The following CEP170 variants were observed in gnomAD, a reference collection of about 807,000 sequenced individuals.
CEP170 encodes centrosomal protein 170, also known as centrosomal protein of 170 kDa.
A neutral mutation model predicts 151.9 loss-of-function variants in CEP170; 21 were observed. The ratio of observed to expected loss-of-function variants is 0.14; its 90% CI spans 0.10 to 0.20. The LOEUF is 0.20. Among genes scored for constraint, CEP170 ranks in the 10% least tolerant of loss-of-function variants. The pLI is 1.00. For synonymous variants in CEP170, 356 were observed against 648.8 expected (o/e 0.55, Z 6.86); for missense variants, 964 against 1,892.9 (o/e 0.51, Z 9.11).
At chr1:243,171,472 ATTT>A (rs1380442886) in intron 11 of CEP170, among the ~76,000 whole-genome samples, 1 of 151,798 alleles carries the variant, frequency 6.6e-6, no homozygotes, top group Non-Finnish European at 1.5e-5. Flanking sequence ...CTTCTTTTAT[ATTT>A]TTTCTTCTTT....
chr1:243,129,729 T>C (rs2054157110), intron 17 of CEP170, among the ~76,000 whole-genome samples: 1 of 152,144 alleles, frequency 6.6e-6, no homozygotes, highest in Non-Finnish European at 1.5e-5. Context: ...AATGATGTTA[T>C]GACCTCAAAA....
In CEP170 at chr1:243,165,800, A is replaced by G. The variant is rs748196714; in HGVS notation, c.2160T>C (p.Leu720=). 86 of 1,613,892 alleles carry G rather than the reference A, an allele frequency of 5.3e-5. 1 individual carries two copies. Among genetic ancestry groups the G allele is most frequent in the South Asian group, 2.2e-4 (20 of 91,086 alleles). Residue 720 remains leucine, a synonymous_variant, in exon 13 of 20, where the codon CTT becomes CTC. Coordinates refer to ENST00000366542, the MANE Select transcript of CEP170 (RefSeq NM_014812.3). ...LKTGGDNKTL[L]HLGSSAPGKE... is the part of the protein sequence containing the mutation. ...TTCCAGGAGCAGAGCTGCCTAAGTG[A>G]AGTAGGGTTTTATTATCTCCACCAG...
chr1:243,188,342 C>T (rs1466018062), intron 8 of CEP170, among the ~76,000 whole-genome samples: 2 of 152,084 alleles, frequency 1.3e-5, no homozygotes, highest in African/African-American at 4.8e-5. Flanking sequence ...TGGTGTCAGG[C>T]CCTTTCAAAT....
intron 1 of CEP170, among the ~76,000 whole-genome samples, chr1:243,230,688 C>T (rs930580689): frequency 6.6e-6 from 1 of 152,018 alleles, no homozygotes; most frequent in African/African-American, 2.4e-5. Flanking sequence ...AAGATAAGAA[C>T]AGTGAGGCTG....
At chr1:243,196,493 G>C (rs978002691) in intron 7 of CEP170, among the ~76,000 whole-genome samples, 17 of 152,076 alleles carry the variant, frequency 1.1e-4, no homozygotes, top group African/African-American at 3.9e-4. Context: ...TGTAAATCAT[G>C]GTTGTGCCTT....
chr1:243,241,858 G>C (rs1225266830), intron 1 of CEP170, among the ~76,000 whole-genome samples: 2 of 151,662 alleles, frequency 1.3e-5, no homozygotes, highest in South Asian at 4.2e-4. Flanking sequence ...GGATTGCATG[G>C]GGTGACAATA....
chr1:243,148,112 G>A (rs1657912059), intron 14 of CEP170, among the ~76,000 whole-genome samples: 1 of 152,052 alleles, frequency 6.6e-6, no homozygotes, highest in South Asian at 2.1e-4. Flanking sequence ...TTGGGAGGTG[G>A]AGGTTGCAGT....
intron 10 of CEP170, chr1:243,176,567 C>T (rs2148654642): frequency 5.4e-6 from 1 of 186,682 alleles, no homozygotes; most frequent in Admixed American, 5.7e-5. Flanking sequence ...CCCTATCCCA[C>T]TCCAACAATC....
intron 3 of CEP170, among the ~76,000 whole-genome samples, chr1:243,214,703 G>A (rs2148934079): frequency 6.6e-6 from 1 of 152,254 alleles, no homozygotes; most frequent in East Asian, 1.9e-4. Flanking sequence ...TTATAAGATG[G>A]ATATATGTTC....
intron 12 of CEP170, chr1:243,166,438 C>G (rs1247754568): frequency 8.2e-6 from 2 of 245,322 alleles, no homozygotes; most frequent in East Asian, 1.8e-4. Flanking sequence ...TACACACGTT[C>G]AGTGGGGACG....
chr1:243,246,062 T>C (rs552155817), intron 1 of CEP170, among the ~76,000 whole-genome samples: 3 of 152,146 alleles, frequency 2.0e-5, no homozygotes, highest in Non-Finnish European at 4.4e-5. Flanking sequence ...TAAACTGATA[T>C]AAACTGGAGG....
intron 12 of CEP170, chr1:243,168,402 T>C (rs938038720): frequency 1.3e-5 from 2 of 152,074 alleles, no homozygotes; most frequent in African/African-American, 2.4e-5. Context: ...TTTTGCTTTT[T>C]AACTGTAAGT....
chr1:243,144,865 T>G (rs1235535739), intron 14 of CEP170, among the ~76,000 whole-genome samples: 2 of 152,212 alleles, frequency 1.3e-5, no homozygotes, highest in Admixed American at 1.3e-4. Flanking sequence ...AAGGGTTCAG[T>G]TCTCTAGCAT....
intron 1 of CEP170, chr1:243,253,446 C>G (rs2066134105): frequency 6.6e-6 from 1 of 152,230 alleles, no homozygotes; most frequent in South Asian, 2.1e-4. Context: ...CTTGGGCAGA[C>G]AAGTCAGTTA....
chr1:243,239,005 T>C (rs1308759171), intron 1 of CEP170, among the ~76,000 whole-genome samples: 3 of 152,226 alleles, frequency 2.0e-5, no homozygotes, highest in East Asian at 1.9e-4. Flanking sequence ...GTTACTTCCC[T>C]ATACATAATC....
chr1:243,129,953 T>C (rs2054197308), intron 17 of CEP170, among the ~76,000 whole-genome samples: 1 of 152,158 alleles, frequency 6.6e-6, no homozygotes, highest in South Asian at 2.1e-4. Context: ...GTTACTATTG[T>C]TAATCTCTTA....
In CEP170 at chr1:243,255,263, C is replaced by G. The variant is rs2066530268; in HGVS notation, c.-265G>C. The G allele has an allele frequency of 2.0e-5, 3 of 152,828 alleles. No individual in the cohort carries two copies. Among genetic ancestry groups the G allele is most frequent in the South Asian group, 4.1e-4 (2 of 4,852 alleles). The allele number at this position is 152,828 out of a possible 1,614,324, so 9.5% of individuals were successfully genotyped here. On this transcript the variant is annotated 5_prime_UTR_variant, in exon 1 of 20. Coordinates refer to ENST00000366542, the MANE Select transcript of CEP170 (RefSeq NM_014812.3). The stretch of plus-strand genomic sequence containing the variant: ...AACGGCAAAGACCGACTGCCTAGTG[C>G]GCAGGCGCCTCGGGAAAGGGCGAGG...
Position 243,233,764 on chromosome 1 carries a change from A to T in CEP170, c.-41-8443T>A, listed in dbSNP as rs1029379764. On this transcript the variant is annotated intron_variant, in intron 1 of 19. Transcript: ENST00000366542. ...AAAATATATATATATATATATATAT[A>T]TATTTTAAAACGTTGTTCCTATTCA... Among the ~76,000 whole-genome samples the T allele has an allele frequency of 3.5e-3, 510 of 146,578 alleles. 2 individuals are homozygous for T. The highest frequency in any genetic ancestry group is 0.012 in the African/African-American group (486 of 40,360).
In CEP170 at chr1:243,165,713, T is replaced by A. The variant is rs544280332; in HGVS notation, c.2247A>T (p.Gln749His). 198 of 1,613,970 alleles carry A rather than the reference T, an allele frequency of 1.2e-4. No individual in the cohort carries two copies. Among genetic ancestry groups the A allele is most frequent in the Non-Finnish European group, 1.6e-4 (194 of 1,179,910 alleles). ...GAGCCTCCTCCCTTTGTTCTTGTTG[T>A]TGAAGTTTTGCTAATGTTTGCTTTA... The part of the protein sequence containing the change: ...SLVKQTLAKL[Q>H]QQEQREEAQW... The change falls in exon 13 of 20, where the codon CAA becomes CAT. Residue 749 changes from glutamine (Q) to histidine (H), a missense_variant. Physicochemically the swap from Gln to His is conservative, Grantham distance 24. Transcript: ENST00000366542.
Sources: allele counts gnomAD v4.1 joint callset (sites outside exome capture counted in the v4.1 genomes callset), GRCh38; gene constraint gnomAD v4.1.1; transcripts MANE v1.5; gene names NCBI Gene and HGNC (gene_info 2026-07-23, HGNC 2026-07-21).